Variants in CIITA observed in about 807,000 individuals in gnomAD.
The protein encoded by CIITA is class II major histocompatibility complex transactivator.
In CIITA, 72 loss-of-function variants were observed where a neutral mutation model predicts 115.1. The observed-to-expected ratio is 0.63, with a 90% CI of 0.52 to 0.76. The LOEUF (loss-of-function observed/expected upper bound fraction) is 0.76. CIITA is among the 30% of genes least tolerant of loss of function. The pLI is 0.00. For missense variants in CIITA, 1,617 were observed against 1,463.8 expected (o/e 1.10, Z -1.71); for synonymous variants, 763 against 635.6 (o/e 1.20, Z -3.02).
At chr16:10,914,954 G>A in intron 13 of CIITA, 1 of 413,616 alleles carries the variant, frequency 2.4e-6, no homozygotes, top group South Asian at 1.7e-5. Context: ...AAGGGTATCT[G>A]TGGATGTTGG....
rs570789836 is a variant in CIITA at position 10,901,859 on chromosome 16, G to A, written c.482-179G>A. The A allele has an allele frequency of 6.8e-5, 61 of 901,170 alleles. No individual in the cohort carries two copies. The African/African-American group carries it at 9.6e-4, about 14-fold the overall frequency. The allele number at this position is 901,170 out of a possible 1,614,324, so 55.8% of individuals were successfully genotyped here. On this transcript the variant is annotated intron_variant, in intron 6 of 19. Coordinates refer to ENST00000324288, the MANE Select transcript of CIITA (RefSeq NM_000246.4). This position sits in a 1 kb window ranked among gnomAD's most constrained non-coding sequence, Gnocchi z 6.8. Reference sequence around the variant, plus strand: ...AGCTCTCAGAGCCAAGTCACAAGGAGAGGACTGGGGGACTGCCTGGCACAG... The same window carrying A: ...AGCTCTCAGAGCCAAGTCACAAGGAAAGGACTGGGGGACTGCCTGGCACAG...
chr16:10,902,042 GC>G lies in CIITA; in HGVS notation c.492del (p.Thr165LeufsTer3). 1 of 1,614,026 alleles carries G rather than the reference GC, an allele frequency of 6.2e-7. No individual in the cohort carries two copies. Among genetic ancestry groups the G allele is most frequent in the Non-Finnish European group, 8.5e-7 (1 of 1,180,030 alleles). ...ADLKHWKPAE[P>X]PTVVTGSLLV... ...ACACAGCCCACTTCCTCACAGCTGA[GC>G]CCCCCACTGTGGTGACTGGCAGTCT... On this transcript the variant is annotated frameshift_variant, in exon 7 of 20. Coordinates refer to ENST00000324288, the MANE Select transcript of CIITA (RefSeq NM_000246.4). LOFTEE classifies it high-confidence loss of function.
At chr16:10,874,931 C>T (rs571462226), upstream of CIITA, among the ~76,000 whole-genome samples, 42 of 152,128 alleles carry the variant, frequency 2.8e-4, no homozygotes, top group Admixed American at 4.6e-4. Context: ...CCCGTGGCAC[C>T]AGGTCATAGG....
Position 10,901,204 on chromosome 16 carries a change from C to G in CIITA, c.437-310C>G, listed in dbSNP as rs1169387376. On this transcript the variant is annotated intron_variant, in intron 5 of 19. Transcript: ENST00000324288. This position sits in a 1 kb window ranked among gnomAD's most constrained non-coding sequence, Gnocchi z 6.8. ...AGAGAAGCTGCATTGCAAAGGCACA[C>G]AGCTAGGAAGCGGTTCAAAAGCAGG... 6.6e-6 allele frequency among the ~76,000 whole-genome samples: 1 copy of G among 152,230 alleles called. No homozygotes were observed. Among genetic ancestry groups the G allele is most frequent in the African/African-American group, 2.4e-5 (1 of 41,456 alleles).
chr16:10,898,841 C>A, intron 4 of CIITA, 84 bp from the exon 5 acceptor site: 1 of 1,585,398 alleles, frequency 6.3e-7, no homozygotes, highest in Non-Finnish European at 8.7e-7. Flanking sequence ...CAGTCAGACC[C>A]CTCTCCCCAA....
intron 1 of CIITA, among the ~76,000 whole-genome samples, chr16:10,891,867 C>T (rs2037619037): frequency 3.9e-5 from 6 of 152,192 alleles, no homozygotes; most frequent in African/African-American, 1.4e-4. Flanking sequence ...GATCTCGCTG[C>T]AAGCCGGTTA....
At position 10,895,266 on chromosome 16, in the gene CIITA, T is replaced by C. The variant is rs555040509; in HGVS notation, c.53-16T>C. ...CAACACCCTGTGAGGTGACTGAGCATTGTCTTCCCTCCCAGGCAGCTCACA... is the reference window on the plus strand; with the variant it reads ...CAACACCCTGTGAGGTGACTGAGCACTGTCTTCCCTCCCAGGCAGCTCACA... On this transcript the variant is annotated splice_polypyrimidine_tract_variant and intron_variant, in intron 1 of 19. Coordinates refer to ENST00000324288, the MANE Select transcript of CIITA (RefSeq NM_000246.4). 6.2e-7 allele frequency: 1 copy of C among 1,613,554 alleles called. No individual in the cohort carries two copies. The highest frequency in any genetic ancestry group is 1.3e-5 in the African/African-American group (1 of 75,034).
chr16:10,870,240 C>T (rs866596908), intron 1 of CIITA, among the ~76,000 whole-genome samples: 4 of 150,020 alleles, frequency 2.7e-5, no homozygotes, highest in Middle Eastern at 3.5e-3. Flanking sequence ...AAGGGGCTAC[C>T]GTAAATCTAC....
At chr16:10,875,322 A>T (rs1339133857), upstream of CIITA, among the ~76,000 whole-genome samples, 1 of 152,114 alleles carries the variant, frequency 6.6e-6, no homozygotes, top group African/African-American at 2.4e-5. Context: ...GGCTGTTTCA[A>T]ATTGACTCAG....
At position 10,927,053 on chromosome 16, in the gene CIITA, C is replaced by T. The variant is rs1478723438; in HGVS notation, c.*3198C>T. 6.6e-6 allele frequency: 1 copy of T among 152,244 alleles called. No individual in the cohort carries two copies. The highest frequency in any genetic ancestry group is 1.5e-5 in the Non-Finnish European group (1 of 68,048). 9.4% of individuals were successfully genotyped at this position (152,244 alleles called of 1,614,324 possible). A position where few individuals can be genotyped will look rare whatever the true frequency, so the allele number is the denominator to read the frequency against. On this transcript the variant is annotated 3_prime_UTR_variant, in exon 20 of 20. Coordinates refer to ENST00000324288, the MANE Select transcript of CIITA (RefSeq NM_000246.4). ...TACTTATGCAAGCTAGTTCTCTGTG[C>T]CTCAGTCTCCTCATTTGTAAAATGG... is the stretch of plus-strand genomic sequence containing the variant.
At chr16:10,867,108 CTGGTGGGTGCCTGT>C (rs1360994560) in intron 1 of CIITA, among the ~76,000 whole-genome samples, 3 of 152,072 alleles carry the variant, frequency 2.0e-5, no homozygotes, top group African/African-American at 4.8e-5. Context: ...GCCAGACATC[CTGGTGGGTGCCTGT>C]AGTCCCAGCT....
chr16:10,892,167 T>TA (rs1050280272), intron 1 of CIITA, among the ~76,000 whole-genome samples: 37 of 151,808 alleles, frequency 2.4e-4, no homozygotes, highest in African/African-American at 8.9e-4. Flanking sequence ...TTACTAAAAA[T>TA]AAAAAAATTA....
Position 10,901,587 on chromosome 16 carries a change from G to C in CIITA, c.481+29G>C. 8.1e-6 allele frequency: 13 copies of C among 1,612,154 alleles called. No homozygotes were observed. The highest frequency in any genetic ancestry group is 1.1e-5 in the Non-Finnish European group (13 of 1,178,868). ...TGCAGGGCAGGTGGGCTGGGGTTGG[G>C]AAGGGTGGATGCCTTGGGGAGGGGA... On this transcript the variant is annotated intron_variant, in intron 6 of 19. Coordinates refer to ENST00000324288, the MANE Select transcript of CIITA (RefSeq NM_000246.4). The surrounding 1 kb of genome is among the most constrained non-coding windows in gnomAD (Gnocchi z 6.8).
At position 10,913,445 on chromosome 16, in the gene CIITA, G is replaced by A. The variant is rs771747302; in HGVS notation, c.2889-2125G>A. Reference sequence around the variant, plus strand: ...TTCTCTTGCCTCAGCCTCCCGAGTAGCTGGGACTACAGGCACATGTCACCA... The same window carrying A: ...TTCTCTTGCCTCAGCCTCCCGAGTAACTGGGACTACAGGCACATGTCACCA... On this transcript the variant is annotated intron_variant, in intron 13 of 19. Coordinates refer to ENST00000324288, the MANE Select transcript of CIITA (RefSeq NM_000246.4). The A allele has an allele frequency of 2.4e-5, 4 of 165,420 alleles. No individual in the cohort carries two copies. The South Asian group carries it at 5.0e-4, about 21-fold the overall frequency. The allele number at this position is 165,420 out of a possible 1,614,324, so 10.2% of individuals were successfully genotyped here. A position where few individuals can be genotyped will look rare whatever the true frequency, so the allele number is the denominator to read the frequency against.
chr16:10,908,954 AC>A, intron 11 of CIITA, 74 bp from the exon 12 acceptor site: 1 of 1,604,738 alleles, frequency 6.2e-7, no homozygotes, highest in African/African-American at 1.3e-5. Context: ...AGGTAGGAGG[AC>A]CCTTCATGGA....
At chr16:10,877,161 A>T, upstream of CIITA, 1 of 686,622 alleles carries the variant, frequency 1.5e-6, no homozygotes, top group South Asian at 1.6e-5. Context: ...GTTTCTTTGC[A>T]TGTTGGCTTA....
rs1450463360 is a variant in CIITA, at chr16:10,941,527, GC to G, written n.654del. On this transcript the variant is annotated non_coding_transcript_exon_variant, in exon 2 of 2. Coordinates refer to the CIITA transcript ENST00000573379. This position sits in a 1 kb window ranked among gnomAD's most constrained non-coding sequence, Gnocchi z 6.4. ...GGGAATTCCTCCCTCTCCCTTGCTA[GC>G]GCCCCAACCCGCCCTCATCCTGTTC... 6 of 1,400,798 alleles carry G rather than the reference GC, an allele frequency of 4.3e-6. No homozygotes were observed. In the East Asian group the frequency reaches 1.6e-4, roughly 38 times the overall value. The allele number at this position is 1,400,798 out of a possible 1,614,324, so 86.8% of individuals were successfully genotyped here.
Position 10,895,165 on chromosome 16 carries a change from C to T in CIITA, c.53-117C>T, listed in dbSNP as rs1207416559. 19 of 1,188,550 alleles carry T rather than the reference C, an allele frequency of 1.6e-5. No homozygotes were observed. In the East Asian group the frequency reaches 2.3e-4, roughly 15 times the overall value. 73.6% of individuals were successfully genotyped at this position (1,188,550 alleles called of 1,614,324 possible). A position where few individuals can be genotyped will look rare whatever the true frequency, so the allele number is the denominator to read the frequency against. Reference sequence around the variant, plus strand: ...GAGCATATAAGAGGTGCTGAATGAGCGCTTTTATTCACTCCTCTCATCCCC... The same window carrying T: ...GAGCATATAAGAGGTGCTGAATGAGTGCTTTTATTCACTCCTCTCATCCCC... On this transcript the variant is annotated intron_variant, in intron 1 of 19. Coordinates refer to ENST00000324288, the MANE Select transcript of CIITA (RefSeq NM_000246.4).
At chr16:10,892,590 G>A (rs868221137) in intron 1 of CIITA, among the ~76,000 whole-genome samples, 1 of 152,176 alleles carries the variant, frequency 6.6e-6, no homozygotes, top group Non-Finnish European at 1.5e-5. Flanking sequence ...TCAAATCCCT[G>A]GAACCTGTCA....
Sources: allele counts gnomAD v4.1 joint callset (sites outside exome capture counted in the v4.1 genomes callset), GRCh38; gene constraint gnomAD v4.1.1; non-coding constraint Gnocchi (gnomAD v3.1); transcripts MANE v1.5; gene names NCBI Gene and HGNC (gene_info 2026-07-23, HGNC 2026-07-21).